The following PSD3 variants were observed in gnomAD, a reference collection of about 807,000 sequenced individuals.
PSD3 encodes pleckstrin and Sec7 domain containing 3, also known as PH and SEC7 domain-containing protein 3.
In PSD3, 49 loss-of-function variants were observed where a neutral mutation model predicts 105.5. The ratio of observed to expected loss-of-function variants is 0.46; its 90% CI spans 0.37 to 0.59. PSD3 has a LOEUF of 0.59. Ranked by LOEUF, PSD3 falls within the 20% of genes least tolerant of loss-of-function variation. The pLI, the probability that PSD3 is intolerant of heterozygous loss-of-function variation, is 0.00. For missense variants in PSD3, 1,561 were observed against 1,263.8 expected, an observed-to-expected ratio of 1.24 and a Z score of -3.57; for synonymous variants, 557 against 457.8, an observed-to-expected ratio of 1.22 and a Z score of -2.77.
chr8:18,567,870 A>G (rs1450376845), intron 14 of PSD3, among the ~76,000 whole-genome samples: 2 of 152,132 alleles, frequency 1.3e-5, no homozygotes, highest in Non-Finnish European at 2.9e-5. Context: ...GTGATCCCCA[A>G]TGTTGGAGGT....
At chr8:19,044,922 T>C (rs989760645) in intron 1 of PSD3, among the ~76,000 whole-genome samples, 1 of 152,138 alleles carries the variant, frequency 6.6e-6, no homozygotes, top group African/African-American at 2.4e-5. Context: ...TGGCGGATCA[T>C]GCCTGTAATC....
chr8:18,826,746 C>T (rs971382004), intron 4 of PSD3, among the ~76,000 whole-genome samples: 4 of 152,194 alleles, frequency 2.6e-5, no homozygotes, highest in Non-Finnish European at 5.9e-5. Context: ...CTAATTATGG[C>T]TATAAACACC....
At chr8:18,962,992 A>T (rs965804534) in intron 1 of PSD3, among the ~76,000 whole-genome samples, 1 of 152,210 alleles carries the variant, frequency 6.6e-6, no homozygotes, top group Non-Finnish European at 1.5e-5. Context: ...CATACCTGAG[A>T]CTGGGGATAA....
chr8:18,539,709 G>A (rs67922707), intron 15 of PSD3, among the ~76,000 whole-genome samples: 13,282 of 151,708 alleles, frequency 0.088, 629 homozygotes, highest in Non-Finnish European at 0.1. Context: ...CACCAAGCCC[G>A]ACTAATTTTT....
intron 4 of PSD3, among the ~76,000 whole-genome samples, chr8:18,862,057 A>G (rs1334237318): frequency 2.6e-5 from 4 of 152,310 alleles, no homozygotes; most frequent in Non-Finnish European, 5.9e-5. Context: ...GAGTGGCAGA[A>G]TAACTTTTCT....
chr8:18,734,771 T>C (rs947509980), intron 9 of PSD3, among the ~76,000 whole-genome samples: 4 of 152,150 alleles, frequency 2.6e-5, no homozygotes, highest in African/African-American at 9.7e-5. Flanking sequence ...ACTGTAAATA[T>C]AAAAGTCAAC....
chr8:18,556,335 T>C lies in PSD3; in HGVS notation c.2802A>G (p.Ser934=). ...TGATCTGCTTCAGCTTACTTTCATG[T>C]GACTTCAGTTGCTCCTCCTGCAGGA... ...TKLSQEEQLK[S]HESKLKQITT... is the part of the protein sequence containing the mutation. The change falls in exon 15 of 16, where the codon TCA becomes TCG. Residue 934 remains serine, a synonymous_variant. Transcript: ENST00000327040. The C allele has an allele frequency of 6.2e-7, 1 of 1,612,516 alleles. No individual in the cohort carries two copies. The highest frequency in any genetic ancestry group is 8.5e-7 in the Non-Finnish European group (1 of 1,179,556).
chr8:18,879,088 G>GCACA lies in PSD3; in HGVS notation c.131-6359_131-6356dup, dbSNP rs71545536. ...CACACACACACACACACACACACAC[G>GCACA]CACACACAACTGAACACTGGCCCCA... On this transcript the variant is annotated intron_variant, in intron 2 of 15. Coordinates refer to ENST00000327040, the MANE Select transcript of PSD3 (RefSeq NM_015310.4). Among the ~76,000 whole-genome samples the GCACA allele has an allele frequency of 1.5e-4, 14 of 93,690 alleles. No individual in the cohort carries two copies. The South Asian group carries it at 4.5e-3, about 30-fold the overall frequency. The allele number at this position is 93,690 out of a possible 152,430, so 61.5% of individuals were successfully genotyped here. A position where few individuals can be genotyped will look rare whatever the true frequency, so the allele number is the denominator to read the frequency against.
At chr8:19,054,720 G>C (rs987850371) in intron 1 of PSD3, among the ~76,000 whole-genome samples, 1 of 152,076 alleles carries the variant, frequency 6.6e-6, no homozygotes, top group Non-Finnish European at 1.5e-5. Flanking sequence ...TGAGATTAAA[G>C]AAACTATTCT....
chr8:18,848,680 A>G (rs1815314982), intron 4 of PSD3, among the ~76,000 whole-genome samples: 1 of 152,174 alleles, frequency 6.6e-6, no homozygotes, highest in East Asian at 1.9e-4. Flanking sequence ...TTTTGTTGTT[A>G]CTAAAAATGT....
intron 4 of PSD3, among the ~76,000 whole-genome samples, chr8:18,859,308 G>A (rs1016130252): frequency 2.0e-5 from 3 of 148,510 alleles, no homozygotes; most frequent in Non-Finnish European, 4.4e-5. Context: ...CAGCAGATGT[G>A]CTGTTATCTA....
chr8:19,081,276 G>A (rs1829637709), intron 1 of PSD3, among the ~76,000 whole-genome samples: 1 of 152,226 alleles, frequency 6.6e-6, no homozygotes, highest in South Asian at 2.1e-4. Flanking sequence ...ACAAGGTTAG[G>A]TCACTAGACC....
intron 9 of PSD3, among the ~76,000 whole-genome samples, chr8:18,743,976 ACC>A (rs1804785432): frequency 6.9e-6 from 1 of 145,612 alleles, no homozygotes; most frequent in South Asian, 2.3e-4. Flanking sequence ...CACCACCACC[ACC>A]ACCACCACCA....
At chr8:18,861,666 C>G (rs1054604686) in intron 4 of PSD3, among the ~76,000 whole-genome samples, 1 of 152,176 alleles carries the variant, frequency 6.6e-6, no homozygotes, top group Non-Finnish European at 1.5e-5. Flanking sequence ...AAACATTCAT[C>G]AAATCCTTGC....
chr8:18,982,815 G>C (rs997561309), intron 1 of PSD3, among the ~76,000 whole-genome samples: 5 of 152,184 alleles, frequency 3.3e-5, no homozygotes, highest in African/African-American at 4.8e-5. Flanking sequence ...AGCACAAGTA[G>C]AGTAGATCTA....
chr8:18,828,047 G>GTATATATATATGTATA (rs1813354609), intron 4 of PSD3, among the ~76,000 whole-genome samples: 2 of 126,386 alleles, frequency 1.6e-5, no homozygotes, highest in African/African-American at 6.2e-5. Flanking sequence ...ATATATATAT[G>GTATATATATATGTATA]TATATATATA....
chr8:18,752,651 A>AAT (rs1563226009), intron 9 of PSD3, among the ~76,000 whole-genome samples: 5 of 95,712 alleles, frequency 5.2e-5, no homozygotes, highest in South Asian at 2.8e-4. Context: ...TAATATATAT[A>AAT]ATATATTATA....
At chr8:18,598,887 T>C (rs895551264) in intron 12 of PSD3, among the ~76,000 whole-genome samples, 1 of 151,992 alleles carries the variant, frequency 6.6e-6, no homozygotes, top group Admixed American at 6.6e-5. Context: ...TGAAAGAAAT[T>C]AAAGAAGACA....
At chr8:18,979,929 C>G (rs1402754357) in intron 1 of PSD3, among the ~76,000 whole-genome samples, 1 of 152,170 alleles carries the variant, frequency 6.6e-6, no homozygotes, top group African/African-American at 2.4e-5. Flanking sequence ...GAACAGTATC[C>G]TTCTACAGAA....
Sources: allele counts gnomAD v4.1 joint callset (sites outside exome capture counted in the v4.1 genomes callset), GRCh38; gene constraint gnomAD v4.1.1; transcripts MANE v1.5; gene names NCBI Gene and HGNC (gene_info 2026-07-23, HGNC 2026-07-21).